CDH11: variants seen among roughly 807,000 people sequenced by gnomAD.
CDH11 encodes cadherin 11.
A neutral mutation model predicts 67.8 loss-of-function variants in CDH11; 11 were observed. The ratio of observed to expected loss-of-function variants is 0.16; its 90% CI spans 0.10 to 0.27. The LOEUF is 0.27. Among genes scored for constraint, CDH11 ranks in the 10% least tolerant of loss-of-function variants. The pLI is 1.00. For synonymous variants in CDH11, 419 were observed against 400.0 expected (o/e 1.05, Z -0.57); for missense variants, 847 against 1,031.2 (o/e 0.82, Z 2.45).
intron 1 of CDH11, among the ~76,000 whole-genome samples, chr16:65,105,860 C>T (rs568954270): frequency 5.1e-4 from 78 of 152,302 alleles, no homozygotes; most frequent in African/African-American, 1.8e-3. Flanking sequence ...TATTTTTCAA[C>T]GTTAAGCAAA....
chr16:65,122,417 C>A, upstream of CDH11: 1 of 180,874 alleles, frequency 5.5e-6, no homozygotes, highest in Non-Finnish European at 1.2e-5. Flanking sequence ...GGGAGGGCGG[C>A]GGAGGGAAGC....
chr16:65,098,515 AGT>A (rs35258390), intron 1 of CDH11, among the ~76,000 whole-genome samples: 12,298 of 148,174 alleles, frequency 0.083, 978 homozygotes, highest in African/African-American at 0.22. Context: ...TGTGTCTTCA[AGT>A]GTGTGTGTGT....
intron 2 of CDH11, among the ~76,000 whole-genome samples, chr16:65,044,227 G>A (rs1409684423): frequency 1.3e-5 from 2 of 152,114 alleles, no homozygotes; most frequent in Non-Finnish European, 2.9e-5. Context: ...GTATTACACA[G>A]CCAAACTCTA....
intron 2 of CDH11, among the ~76,000 whole-genome samples, chr16:65,045,969 A>G (rs564719004): frequency 1.3e-5 from 2 of 152,292 alleles, no homozygotes; most frequent in South Asian, 4.1e-4. Context: ...CCAGAAAACA[A>G]TCCTCTTAGG....
chr16:65,004,090 G>C (rs2072989491), intron 3 of CDH11, among the ~76,000 whole-genome samples: 1 of 152,202 alleles, frequency 6.6e-6, no homozygotes, highest in African/African-American at 2.4e-5. Context: ...GTTTGAGCCT[G>C]GCGTAGTGGC....
In CDH11 at chr16:64,998,659, C is replaced by A. The variant is rs758854974; in HGVS notation, c.426G>T (p.Pro142=). Residue 142 remains proline, a synonymous_variant, in exon 4 of 13, where the codon CCG becomes CCT. Coordinates refer to ENST00000268603, the MANE Select transcript of CDH11 (RefSeq NM_001797.4). Reference sequence around the variant, plus strand: ...CCTGGACCTTGACAATGAATTCCGACGGTGGCTCCAGTGGCCGATTGGTGT... The same window carrying A: ...CCTGGACCTTGACAATGAATTCCGAAGGTGGCTCCAGTGGCCGATTGGTGT... ...DRDTNRPLEP[P]SEFIVKVQDI... 3 of 1,613,992 alleles carry A rather than the reference C, an allele frequency of 1.9e-6. No individual in the cohort carries two copies. The highest frequency in any genetic ancestry group is 2.5e-6 in the Non-Finnish European group (3 of 1,180,040).
At chr16:64,965,113 C>A (rs546759431) in intron 11 of CDH11, among the ~76,000 whole-genome samples, 2 of 141,934 alleles carry the variant, frequency 1.4e-5, no homozygotes, top group Non-Finnish European at 3.0e-5. Flanking sequence ...AATCCTAGCA[C>A]TTTGGGAGGC....
At chr16:65,024,177 C>T (rs1379124723) in intron 2 of CDH11, among the ~76,000 whole-genome samples, 1 of 152,162 alleles carries the variant, frequency 6.6e-6, no homozygotes, top group Non-Finnish European at 1.5e-5. Flanking sequence ...TACTTTACCC[C>T]TGGTTATGTC....
chr16:64,983,674 C>A (rs1168430780), intron 7 of CDH11, among the ~76,000 whole-genome samples: 1 of 152,138 alleles, frequency 6.6e-6, no homozygotes, highest in Non-Finnish European at 1.5e-5. Flanking sequence ...ACTACCTTTT[C>A]CTAAATCTAA....
chr16:64,968,683 C>T (rs561291440), intron 11 of CDH11: 7 of 303,902 alleles, frequency 2.3e-5, no homozygotes, highest in African/African-American at 1.6e-4. Flanking sequence ...TAGGCAAACA[C>T]AATACTGATT....
At chr16:65,061,045 T>C (rs948805151) in intron 1 of CDH11, among the ~76,000 whole-genome samples, 7 of 152,206 alleles carry the variant, frequency 4.6e-5, no homozygotes, top group African/African-American at 1.7e-4. Flanking sequence ...TGATGGAAAT[T>C]CTCCTCAGTA....
chr16:65,027,427 G>T (rs1031807326), intron 2 of CDH11, among the ~76,000 whole-genome samples: 1 of 152,142 alleles, frequency 6.6e-6, no homozygotes, highest in Non-Finnish European at 1.5e-5. Flanking sequence ...GTTGCATCTT[G>T]TTCCAAAGAG....
Position 64,945,725 on chromosome 16 carries a change from T to C in CDH11, c.*1878A>G. On this transcript the variant is annotated 3_prime_UTR_variant, in exon 13 of 13. Coordinates refer to ENST00000268603, the MANE Select transcript of CDH11 (RefSeq NM_001797.4). ...AGCCCAATTTGATTTCAATGCAAAGTAAAATGGAAGTGAGCACTTCATAAA... is the reference window on the plus strand; with the variant it reads ...AGCCCAATTTGATTTCAATGCAAAGCAAAATGGAAGTGAGCACTTCATAAA... 1 of 1,042,488 alleles carries C rather than the reference T, an allele frequency of 9.6e-7. No homozygotes were observed. The allele number at this position is 1,042,488 out of a possible 1,614,324, so 64.6% of individuals were successfully genotyped here.
intron 2 of CDH11, among the ~76,000 whole-genome samples, chr16:65,053,017 A>G (rs1422220400): frequency 6.6e-6 from 1 of 152,156 alleles, no homozygotes; most frequent in Non-Finnish European, 1.5e-5. Flanking sequence ...CCTGGATTTG[A>G]CGTACATATT....
At chr16:64,973,071 C>G in intron 8 of CDH11, 31 bp from the exon 9 acceptor site, 1 of 1,605,496 alleles carries the variant, frequency 6.2e-7, no homozygotes, top group South Asian at 1.1e-5. Flanking sequence ...GCAATTAGAC[C>G]AAGACATTCA....
At chr16:64,982,385 G>A (rs1466360725) in intron 7 of CDH11, 84 bp from the exon 8 acceptor site, 5 of 989,342 alleles carry the variant, frequency 5.1e-6, no homozygotes, top group East Asian at 2.4e-5. Context: ...ATAGGGACGA[G>A]TGAATATTCC....
At chr16:65,004,559 T>C (rs2073003683) in intron 3 of CDH11, 83 bp downstream of exon 3, 1 of 1,405,352 alleles carries the variant, frequency 7.1e-7, no homozygotes, top group Non-Finnish European at 9.6e-7. Flanking sequence ...TAGATGCCTG[T>C]GGGCCTTTTG....
intron 2 of CDH11, among the ~76,000 whole-genome samples, chr16:65,042,174 G>A (rs998679875): frequency 2.6e-5 from 4 of 152,330 alleles, no homozygotes; most frequent in South Asian, 2.1e-4. Context: ...CATCCAGGAC[G>A]TAGGGGTGGG....
In CDH11 at chr16:65,086,027, G is replaced by A. The variant is rs535530835; in HGVS notation, c.-297-32099C>T. ...TTTAAAACTTGATGGGTCTTGTGGT[G>A]CTATTTTGATGCTGCTTTTAAGAGT... On this transcript the variant is annotated intron_variant, in intron 1 of 12. Transcript: ENST00000268603. Among the ~76,000 whole-genome samples, 4 of 152,322 alleles carry A rather than the reference G, an allele frequency of 2.6e-5. No individual in the cohort carries two copies. The East Asian group carries it at 7.7e-4, about 29-fold the overall frequency.
Sources: allele counts gnomAD v4.1 joint callset (sites outside exome capture counted in the v4.1 genomes callset), GRCh38; gene constraint gnomAD v4.1.1; transcripts MANE v1.5; gene names NCBI Gene and HGNC (gene_info 2026-07-23, HGNC 2026-07-21).